JAM2: variants seen among roughly 807,000 people sequenced by gnomAD.
JAM2 encodes junctional adhesion molecule 2.
A neutral mutation model predicts 42.0 loss-of-function variants in JAM2; 17 were observed. The ratio of observed to expected loss-of-function variants is 0.40; its 90% CI spans 0.28 to 0.61. JAM2 has a LOEUF of 0.61. Ranked by LOEUF, JAM2 falls within the 20% of genes least tolerant of loss-of-function variation. JAM2 has a pLI of 0.37. For synonymous variants in JAM2, 118 were observed against 128.6 expected, an observed-to-expected ratio of 0.92 and a Z score of 0.56; for missense variants, 319 against 358.3, an observed-to-expected ratio of 0.89 and a Z score of 0.89.
chr21:25,682,729 C>T (rs527575245), intron 1 of JAM2, among the ~76,000 whole-genome samples: 2 of 152,154 alleles, frequency 1.3e-5, no homozygotes, highest in African/African-American at 2.4e-5. Flanking sequence ...GGGTCACACA[C>T]GGGGTTGAAG....
rs562462317 is a variant in JAM2, at chr21:25,645,413, A to G, written c.67+5525A>G. ...ACACACTTAGTAAACTGAAGAAGCC[A>G]TTGAAGCCTTTTGACATTGAATATC... On this transcript the variant is annotated intron_variant, in intron 1 of 9. Transcript: ENST00000480456. Among the ~76,000 whole-genome samples, 7 of 152,272 alleles carry G rather than the reference A, an allele frequency of 4.6e-5. No individual in the cohort carries two copies. In the East Asian group the frequency reaches 1.3e-3, roughly 29 times the overall value.
At chr21:25,703,767 T>C (rs139145118) in intron 6 of JAM2, among the ~76,000 whole-genome samples, 6 of 37,974 alleles carry the variant, frequency 1.6e-4, no homozygotes, top group African/African-American at 5.5e-4. Flanking sequence ...GACTTTTTTT[T>C]CAAAAAAAAA....
chr21:25,691,483 A>G (rs994544197), intron 3 of JAM2, among the ~76,000 whole-genome samples: 12 of 152,194 alleles, frequency 7.9e-5, no homozygotes, highest in African/African-American at 2.7e-4. Flanking sequence ...CAGCCTTCCA[A>G]TTGGCTGGGA....
chr21:25,666,259 A>T (rs939419149), intron 1 of JAM2, among the ~76,000 whole-genome samples: 1 of 151,866 alleles, frequency 6.6e-6, no homozygotes, highest in Non-Finnish European at 1.5e-5. Flanking sequence ...ATGCTTTATT[A>T]AGCTTATTTT....
intron 1 of JAM2, among the ~76,000 whole-genome samples, chr21:25,660,784 T>A (rs71330193): frequency 0.015 from 375 of 25,220 alleles, no homozygotes; most frequent in East Asian, 0.032. Flanking sequence ...ATATATATAT[T>A]TTTTTTTTTT....
At chr21:25,644,291 G>C (rs1037830903) in intron 1 of JAM2, 1 of 152,206 alleles carries the variant, frequency 6.6e-6, no homozygotes, top group Non-Finnish European at 1.5e-5. Context: ...AATACAAATT[G>C]ATTGTCTTAA....
intron 1 of JAM2, among the ~76,000 whole-genome samples, chr21:25,660,106 AGACG>A (rs1248574570): frequency 1.8e-4 from 28 of 152,196 alleles, no homozygotes; most frequent in Middle Eastern, 6.8e-3. Context: ...TTTTTAGTAG[AGACG>A]GGGTTTCACT....
intron 1 of JAM2, among the ~76,000 whole-genome samples, chr21:25,641,191 C>T (rs139816068): frequency 1.7e-3 from 244 of 140,392 alleles, no homozygotes; most frequent in Middle Eastern, 7.1e-3. Flanking sequence ...TAAAAGGCAA[C>T]AGAGAGGTAG....
rs1349402465 is a variant in JAM2 at position 25,715,519 on chromosome 21, T to C, written c.*847T>C. ...TCCCTGCAGGAGTGGTGACTTCACA[T>C]CTTTCTGTCTCTAAAAATTGTGCAG... On this transcript the variant is annotated 3_prime_UTR_variant, in exon 10 of 10. Transcript: ENST00000480456. 4 of 152,210 alleles carry C rather than the reference T, an allele frequency of 2.6e-5. No homozygotes were observed. The East Asian group carries it at 7.7e-4, about 29-fold the overall frequency. The allele number at this position is 152,210 out of a possible 1,614,324, so 9.4% of individuals were successfully genotyped here. A position where few individuals can be genotyped will look rare whatever the true frequency, so the allele number is the denominator to read the frequency against.
chr21:25,688,673 C>A (rs11087973), intron 2 of JAM2, among the ~76,000 whole-genome samples: 2 of 152,092 alleles, frequency 1.3e-5, no homozygotes, highest in African/African-American at 4.8e-5. Context: ...CCTTTCTTTT[C>A]TCTGCCCTAC....
intron 5 of JAM2, among the ~76,000 whole-genome samples, chr21:25,700,728 T>C (rs2034148470): frequency 6.6e-6 from 1 of 152,168 alleles, no homozygotes; most frequent in South Asian, 2.1e-4. Context: ...ACAGTAACAT[T>C]TACAAACAGA....
At chr21:25,694,526 G>C (rs562824761) in intron 4 of JAM2, among the ~76,000 whole-genome samples, 1 of 152,274 alleles carries the variant, frequency 6.6e-6, no homozygotes, top group African/African-American at 2.4e-5. Flanking sequence ...AGTATGTTTA[G>C]TTTCTATAAG....
At chr21:25,684,860 A>G (rs2033715110) in intron 2 of JAM2, among the ~76,000 whole-genome samples, 2 of 152,154 alleles carry the variant, frequency 1.3e-5, no homozygotes, top group Non-Finnish European at 2.9e-5. Context: ...GGCCTCCCAA[A>G]CTGCTGGGAT....
At chr21:25,650,423 G>C (rs1346585918) in intron 1 of JAM2, among the ~76,000 whole-genome samples, 1 of 152,112 alleles carries the variant, frequency 6.6e-6, no homozygotes, top group Non-Finnish European at 1.5e-5. Flanking sequence ...TTCAGCATTA[G>C]GCAAATGCCA....
rs779919547 is a variant in JAM2, at chr21:25,709,386, A to G, written c.806-48A>G. ...ACTCATTTTTATATGAATCTGTATC[A>G]TACCATAATAACCCTTGCATTAATG... is the stretch of plus-strand genomic sequence containing the variant. On this transcript the variant is annotated intron_variant, in intron 7 of 9. Coordinates refer to ENST00000480456, the MANE Select transcript of JAM2 (RefSeq NM_021219.4). The G allele has an allele frequency of 5.0e-6, 5 of 1,000,528 alleles. No homozygotes were observed. In the South Asian group the frequency reaches 8.9e-5, roughly 18 times the overall value. 62.0% of individuals were successfully genotyped at this position (1,000,528 alleles called of 1,614,324 possible). A position where few individuals can be genotyped will look rare whatever the true frequency, so the allele number is the denominator to read the frequency against.
At chr21:25,706,175 T>TTCTG in intron 7 of JAM2, 89 bp downstream of exon 7, 1 of 860,850 alleles carries the variant, frequency 1.2e-6, no homozygotes, top group South Asian at 1.4e-5. Flanking sequence ...GAAGTTGTTT[T>TTCTG]TTTGTTTGTT....
chr21:25,645,120 ATCTGCC>A (rs2032568552), intron 1 of JAM2, among the ~76,000 whole-genome samples: 1 of 152,176 alleles, frequency 6.6e-6, no homozygotes, highest in South Asian at 2.1e-4. Flanking sequence ...ACCTCAGATG[ATCTGCC>A]TGCCTTGGCT....
At chr21:25,677,991 T>C (rs1309111612) in intron 1 of JAM2, among the ~76,000 whole-genome samples, 1 of 152,192 alleles carries the variant, frequency 6.6e-6, no homozygotes, top group Non-Finnish European at 1.5e-5. Context: ...GGTGGCACTT[T>C]GGCAGGCCGA....
intron 1 of JAM2, among the ~76,000 whole-genome samples, chr21:25,649,706 C>A (rs758216783): frequency 6.6e-6 from 1 of 152,110 alleles, no homozygotes; most frequent in Non-Finnish European, 1.5e-5. Context: ...CCATAATGAG[C>A]AAAAGTTTAT....
Sources: gnomAD v4.1 joint callset for allele counts (sites outside exome capture counted in the v4.1 genomes callset) on GRCh38, gnomAD v4.1.1 for gene constraint, MANE v1.5 for transcripts, NCBI Gene and HGNC (gene_info 2026-07-23, HGNC 2026-07-21) for gene names.